The following PXDNL variants were observed in gnomAD, a reference collection of about 807,000 sequenced individuals.
PXDNL encodes the protein peroxidasin like.
In PXDNL, 145 loss-of-function variants were observed where a neutral mutation model predicts 150.8. The ratio of observed to expected loss-of-function variants is 0.96; its 90% CI spans 0.84 to 1.10. The LOEUF (loss-of-function observed/expected upper bound fraction) is 1.10. PXDNL is among the 50% of genes least tolerant of loss of function. PXDNL has a pLI of 0.00. For synonymous variants in PXDNL, 757 were observed against 725.7 expected (o/e 1.04, Z -0.69); for missense variants, 2,087 against 1,873.9 (o/e 1.11, Z -2.10).
At chr8:51,547,026 G>A (rs988834904) in intron 4 of PXDNL, among the ~76,000 whole-genome samples, 28 of 152,120 alleles carry the variant, frequency 1.8e-4, no homozygotes, top group African/African-American at 6.3e-4. Context: ...GCTCGGTACT[G>A]CCCAATCCTG....
intron 4 of PXDNL, among the ~76,000 whole-genome samples, chr8:51,530,798 C>A (rs1367363709): frequency 6.6e-6 from 1 of 152,192 alleles, no homozygotes; most frequent in Non-Finnish European, 1.5e-5. Context: ...ACCCTTGCAC[C>A]ATTTCCCAGT....
intron 5 of PXDNL, among the ~76,000 whole-genome samples, chr8:51,490,868 T>C (rs1393776605): frequency 3.3e-5 from 5 of 151,998 alleles, no homozygotes; most frequent in African/African-American, 1.2e-4. Context: ...TACCTAGCTG[T>C]GATGGTTAAT....
Position 51,345,946 on chromosome 8 carries a change from G to C in PXDNL, c.3903C>G (p.Asp1301Glu). ...DLRVWQDCCA[D>E]CRSRGQFRAV... ...CTCTGAACTGTCCTCTACTCCTACA[G>C]TCTGTGGGGAAAGAAGTAACCACAA... The change falls in exon 20 of 23, where the codon GAC becomes GAG. Residue 1301 changes from aspartate to glutamate, a missense_variant and splice_region_variant. Transcript: ENST00000356297. 6.3e-7 allele frequency: 1 copy of C among 1,598,238 alleles called. No individual in the cohort carries two copies. Among genetic ancestry groups the C allele is most frequent in the Non-Finnish European group, 8.6e-7 (1 of 1,165,732 alleles).
chr8:51,414,978 G>A (rs956619816), intron 14 of PXDNL, among the ~76,000 whole-genome samples: 20 of 152,178 alleles, frequency 1.3e-4, no homozygotes, highest in Admixed American at 4.6e-4. Context: ...AGGAGTGAGA[G>A]TTCCTATAAA....
At chr8:51,686,195 G>T (rs1815867392) in intron 1 of PXDNL, among the ~76,000 whole-genome samples, 1 of 152,224 alleles carries the variant, frequency 6.6e-6, no homozygotes, top group African/African-American at 2.4e-5. Flanking sequence ...TTCGAGCCAA[G>T]TACACTATGA....
In PXDNL at chr8:51,387,936, A is replaced by G. The variant is rs1444388396; in HGVS notation, c.3558-13205T>C. 3.3e-5 allele frequency among the ~76,000 whole-genome samples: 5 copies of G among 152,142 alleles called. No individual in the cohort carries two copies. The South Asian group carries it at 6.2e-4, about 19-fold the overall frequency. On this transcript the variant is annotated intron_variant, in intron 17 of 22. Transcript: ENST00000356297. ...ATGTTGCACTATTCTTAAACTATTC[A>G]TGATTTGACTGACAAGCATTTTTTA...
chr8:51,336,916 TG>T (rs1483816982), intron 21 of PXDNL, among the ~76,000 whole-genome samples: 2 of 152,198 alleles, frequency 1.3e-5, no homozygotes, highest in African/African-American at 4.8e-5. Flanking sequence ...GTGTCCAGCC[TG>T]TCACACACCT....
chr8:51,741,439 C>CT (rs11422543), intron 1 of PXDNL, among the ~76,000 whole-genome samples: 147,886 of 152,128 alleles, frequency 0.97, 72,016 homozygotes, highest in East Asian at 1. Flanking sequence ...CCTTCTTTGT[C>CT]TTTTTTATCT....
chr8:51,644,005 G>C (rs1273257203), intron 2 of PXDNL, among the ~76,000 whole-genome samples: 1 of 151,674 alleles, frequency 6.6e-6, no homozygotes, highest in Non-Finnish European at 1.5e-5. Flanking sequence ...AATTAGCCGG[G>C]CATGGTGGCA....
At chr8:51,443,978 C>A (rs1467118086) in intron 12 of PXDNL, among the ~76,000 whole-genome samples, 2 of 151,972 alleles carry the variant, frequency 1.3e-5, no homozygotes, top group Non-Finnish European at 2.9e-5. Flanking sequence ...TGTGCTGCAC[C>A]CAGTAACTCA....
At chr8:51,776,406 G>A (rs1051331166) in intron 1 of PXDNL, among the ~76,000 whole-genome samples, 22 of 152,018 alleles carry the variant, frequency 1.4e-4, no homozygotes, top group African/African-American at 4.3e-4. Context: ...TGTCTGCCCC[G>A]GACACCCAGC....
At chr8:51,417,198 A>G (rs928977009) in intron 14 of PXDNL, among the ~76,000 whole-genome samples, 2 of 152,316 alleles carry the variant, frequency 1.3e-5, no homozygotes, top group African/African-American at 4.8e-5. Context: ...CCATCTTTTT[A>G]TGCAAAATTT....
intron 2 of PXDNL, among the ~76,000 whole-genome samples, chr8:51,644,314 ATT>A (rs1268960182): frequency 2.8e-5 from 2 of 71,654 alleles, no homozygotes; most frequent in Non-Finnish European, 7.7e-5. Flanking sequence ...GCAAAGGCAC[ATT>A]TTTACATATA....
intron 4 of PXDNL, among the ~76,000 whole-genome samples, chr8:51,553,645 C>T (rs146497416): frequency 5.3e-5 from 8 of 150,784 alleles, no homozygotes; most frequent in African/African-American, 1.9e-4. Context: ...TGAATTGAAC[C>T]GCTTCCCAAA....
intron 2 of PXDNL, among the ~76,000 whole-genome samples, chr8:51,634,329 A>G (rs1814555896): frequency 6.6e-6 from 1 of 151,868 alleles, no homozygotes. Context: ...ATTCTGTTCC[A>G]TTGGTTTATA....
chr8:51,546,462 A>G (rs1812362748), intron 4 of PXDNL, among the ~76,000 whole-genome samples: 1 of 152,196 alleles, frequency 6.6e-6, no homozygotes, highest in African/African-American at 2.4e-5. Flanking sequence ...ACTCCTGGTC[A>G]CCAGCTTGAG....
Position 51,735,721 on chromosome 8 carries a change from T to C in PXDNL, c.164+73460A>G, listed in dbSNP as rs183739401. On this transcript the variant is annotated intron_variant, in intron 1 of 22. Transcript: ENST00000356297. ...GCCACTACGCCCGGCTAATTTTTTG[T>C]ATTTTTAGTAGAGACGGGGTTTCAC... Among the ~76,000 whole-genome samples the C allele has an allele frequency of 5.9e-3, 879 of 149,260 alleles. 13 individuals are homozygous for C. The highest frequency in any genetic ancestry group is 0.021 in the African/African-American group (837 of 40,814).
chr8:51,538,039 G>T (rs58782406), intron 4 of PXDNL, among the ~76,000 whole-genome samples: 5,102 of 152,206 alleles, frequency 0.034, 286 homozygotes, highest in African/African-American at 0.12. Context: ...ACAAAGAATT[G>T]CATAATGCAG....
chr8:51,583,424 G>A (rs1038789015), intron 3 of PXDNL, among the ~76,000 whole-genome samples: 1 of 152,108 alleles, frequency 6.6e-6, no homozygotes, highest in Non-Finnish European at 1.5e-5. Flanking sequence ...AAATTTTGGG[G>A]TGTATAGTTG....
Sources: gnomAD v4.1 joint callset for allele counts (sites outside exome capture counted in the v4.1 genomes callset) on GRCh38, gnomAD v4.1.1 for gene constraint, MANE v1.5 for transcripts, NCBI Gene and HGNC (gene_info 2026-07-23, HGNC 2026-07-21) for gene names.